ZP3: variants seen among roughly 807,000 people sequenced by gnomAD.
ZP3 encodes zona pellucida glycoprotein 3.
A neutral mutation model predicts 35.6 loss-of-function variants in ZP3; 21 were observed. That is an observed-to-expected ratio of 0.59 (90% CI 0.42 to 0.85). The LOEUF (loss-of-function observed/expected upper bound fraction) is 0.85, where lower values mean the gene tolerates loss of function less well. ZP3 is among the 40% of genes least tolerant of loss of function. The pLI is 0.00. For missense variants in ZP3, 437 were observed against 536.5 expected (o/e 0.81, Z 1.83); for synonymous variants, 207 against 214.5 (o/e 0.96, Z 0.31).
In ZP3 at chr7:76,425,118, A is replaced by T. The variant is rs757295183; in HGVS notation, c.154A>T (p.Met52Leu). 7 of 1,613,802 alleles carry T rather than the reference A, an allele frequency of 4.3e-6. No individual in the cohort carries two copies. The highest frequency in any genetic ancestry group is 2.7e-5 in the African/African-American group (2 of 74,908). ...VLVECQEATLMVMVSKDLFGT... is the reference protein window; with the variant it reads ...VLVECQEATLLVMVSKDLFGT... The stretch of plus-strand genomic sequence containing the variant: ...GGTGGAGTGTCAGGAGGCCACTCTG[A>T]TGGTCATGGTCAGCAAAGACCTTTT... Residue 52 changes from methionine to leucine, a missense_variant, in exon 1 of 8, where the codon ATG becomes TTG. Physicochemically the swap from Met to Leu is conservative, Grantham distance 15. Transcript: ENST00000394857.
At chr7:76,419,742 T>C (rs1297770069) in intron 1 of ZP3, among the ~76,000 whole-genome samples, 3 of 149,994 alleles carry the variant, frequency 2.0e-5, no homozygotes, top group Non-Finnish European at 4.4e-5. Context: ...TTTCTTTCTT[T>C]CTCTTTTTCT....
intron 1 of ZP3, chr7:76,400,167 C>T: frequency 8.6e-7 from 1 of 1,161,248 alleles, no homozygotes; most frequent in Non-Finnish European, 1.1e-6. Context: ...GCATTGTAGC[C>T]TCTGGCCTGA....
chr7:76,426,082 CAA>C (rs368396750), intron 1 of ZP3, among the ~76,000 whole-genome samples: 30 of 121,756 alleles, frequency 2.5e-4, no homozygotes, highest in Admixed American at 3.5e-4. Context: ...GACTCTGGCT[CAA>C]AAAAAAAAAA....
Position 76,432,917 on chromosome 7 carries a change from C to G in ZP3, c.432-10C>G, listed in dbSNP as rs1285977564. The G allele has an allele frequency of 3.7e-6, 6 of 1,613,096 alleles. No homozygotes were observed. Among genetic ancestry groups the G allele is most frequent in the Middle Eastern group, 1.7e-4 (1 of 5,992 alleles). ...GAGGCAGGTGTGCACAGCTGCTGTT[C>G]TTCTCTCAGGCAGGGCAATGTGAGC... On this transcript the variant is annotated splice_polypyrimidine_tract_variant and intron_variant, in intron 2 of 7. Coordinates refer to ENST00000394857, the MANE Select transcript of ZP3 (RefSeq NM_001110354.2).
At chr7:76,435,919 A>C (rs1638146) in intron 5 of ZP3, among the ~76,000 whole-genome samples, 1 of 140,030 alleles carries the variant, frequency 7.1e-6, no homozygotes, top group African/African-American at 2.6e-5. Flanking sequence ...AGAGACAGGG[A>C]TTCATCATTT....
chr7:76,403,347 C>CTTTTTTTTTTTTTTTT (rs766899317), intron 1 of ZP3, among the ~76,000 whole-genome samples: 5 of 149,530 alleles, frequency 3.3e-5, no homozygotes, highest in Non-Finnish European at 3.0e-5. Flanking sequence ...GACTCCACTT[C>CTTTTTTTTTTTTTTTT]TTTTTTTTGA....
At chr7:76,420,892 C>T (rs1805487947), upstream of ZP3, among the ~76,000 whole-genome samples, 1 of 149,022 alleles carries the variant, frequency 6.7e-6, no homozygotes, top group Non-Finnish European at 1.5e-5. Context: ...TATACACATA[C>T]ATATATATTT....
At position 76,429,598 on chromosome 7, in the gene ZP3, C is replaced by T. The variant is rs1164725618; in HGVS notation, c.396C>T (p.Asn132=). ...GAAACCTGTCCATCGTGAGGACTAA[C>T]CGCGCAGAGATTCCCATCGAGTGCC... ...PVGNLSIVRT[N]RAEIPIECRY... The change falls in exon 2 of 8, where the codon AAC becomes AAT. Residue 132 remains asparagine, a synonymous_variant. Transcript: ENST00000394857. 1.2e-6 allele frequency: 2 copies of T among 1,614,112 alleles called. No individual in the cohort carries two copies. Among genetic ancestry groups the T allele is most frequent in the Non-Finnish European group, 1.7e-6 (2 of 1,179,998 alleles).
At chr7:76,423,694 G>A (rs1805576311), upstream of ZP3, among the ~76,000 whole-genome samples, 1 of 152,008 alleles carries the variant, frequency 6.6e-6, no homozygotes, top group African/African-American at 2.4e-5. Flanking sequence ...GACTGAGGTG[G>A]GCGGATCCCT....
At chr7:76,419,445 C>T (rs1441162953) in intron 1 of ZP3, among the ~76,000 whole-genome samples, 3 of 152,238 alleles carry the variant, frequency 2.0e-5, no homozygotes, top group South Asian at 2.1e-4. Flanking sequence ...TTCCTCCGTC[C>T]GGTATCATGT....
upstream of ZP3, among the ~76,000 whole-genome samples, chr7:76,421,180 C>T (rs776189250): frequency 2.6e-5 from 4 of 152,096 alleles, no homozygotes; most frequent in Non-Finnish European, 4.4e-5. Context: ...GTGATCTGCT[C>T]GTCTCAGCCT....
At chr7:76,436,040 T>TCC (rs1805994801) in intron 5 of ZP3, among the ~76,000 whole-genome samples, 48 of 23,020 alleles carry the variant, frequency 2.1e-3, no homozygotes, top group Non-Finnish European at 2.8e-3. Flanking sequence ...CTTTTTTTTT[T>TCC]TTTTTTTTTT....
upstream of ZP3, among the ~76,000 whole-genome samples, chr7:76,422,969 C>A (rs1415905334): frequency 6.9e-6 from 1 of 145,490 alleles, no homozygotes; most frequent in African/African-American, 2.6e-5. Flanking sequence ...TGCACTCCAG[C>A]CTGGGCGACA....
chr7:76,397,980 G>A (rs1397281285), intron 1 of ZP3: 3 of 822,440 alleles, frequency 3.6e-6, no homozygotes, highest in Non-Finnish European at 5.5e-6. Flanking sequence ...GGTCCAGACT[G>A]GGGGTAGCTT....
upstream of ZP3, chr7:76,424,907 C>T: frequency 6.9e-7 from 1 of 1,439,876 alleles, no homozygotes; most frequent in Non-Finnish European, 9.1e-7. Context: ...GTGGCAGCAG[C>T]CAGCATCCCA....
intron 1 of ZP3, among the ~76,000 whole-genome samples, chr7:76,400,810 G>A (rs1223511018): frequency 4.6e-5 from 7 of 152,126 alleles, no homozygotes; most frequent in South Asian, 2.1e-4. Context: ...ACCCAGCCAG[G>A]TTACCCGCTT....
At chr7:76,430,118 G>A (rs1176778694) in intron 2 of ZP3, among the ~76,000 whole-genome samples, 1 of 152,142 alleles carries the variant, frequency 6.6e-6, no homozygotes, top group East Asian at 1.9e-4. Flanking sequence ...GCTGAGGCAG[G>A]AGAATTGCTT....
At chr7:76,422,212 A>G (rs1805519683), upstream of ZP3, among the ~76,000 whole-genome samples, 1 of 151,356 alleles carries the variant, frequency 6.6e-6, no homozygotes, top group South Asian at 2.1e-4. Context: ...TATTCCTTTC[A>G]TGGCCTCTTT....
chr7:76,413,720 G>T (rs994212840), intron 1 of ZP3, among the ~76,000 whole-genome samples: 3 of 152,012 alleles, frequency 2.0e-5, no homozygotes, highest in Non-Finnish European at 4.4e-5. Context: ...AGGGTGGAGT[G>T]TAGTGGCGTG....
Sources: gnomAD v4.1 joint callset for allele counts (sites outside exome capture counted in the v4.1 genomes callset) on GRCh38, gnomAD v4.1.1 for gene constraint, MANE v1.5 for transcripts, NCBI Gene and HGNC (gene_info 2026-07-23, HGNC 2026-07-21) for gene names.